The following LAMA3 variants were observed in gnomAD, a reference collection of about 807,000 sequenced individuals.
LAMA3 encodes the protein laminin subunit alpha 3, also known as laminin subunit alpha-3.
Under a neutral mutation model 402.0 loss-of-function variants are expected in LAMA3, and 281 were observed. The observed-to-expected ratio is 0.70, with a 90% CI of 0.63 to 0.77. The LOEUF is 0.77. Ranked by LOEUF, LAMA3 falls within the 30% of genes least tolerant of loss-of-function variation. The probability of loss-of-function intolerance (pLI) is 0.00; values close to 1 mark genes in which losing one functional copy is unlikely to be tolerated. For missense variants in LAMA3, 3,840 were observed against 4,215.5 expected, an observed-to-expected ratio of 0.91 and a Z score of 2.47; for synonymous variants, 1,431 against 1,558.4, an observed-to-expected ratio of 0.92 and a Z score of 1.93.
chr18:23,905,452 G>T, intron 51 of LAMA3, 70 bp from the exon 52 acceptor site: 1 of 880,406 alleles, frequency 1.1e-6, no homozygotes, highest in South Asian at 1.3e-5. Flanking sequence ...TTCAGACTAG[G>T]ATAGAAATCT....
chr18:23,805,565 G>T (rs2062947149), intron 12 of LAMA3, among the ~76,000 whole-genome samples: 1 of 152,100 alleles, frequency 6.6e-6, no homozygotes, highest in East Asian at 1.9e-4. Flanking sequence ...CCAGAACTGG[G>T]GAAATAACTA....
At chr18:23,830,254 T>C (rs2144493259) in intron 23 of LAMA3, among the ~76,000 whole-genome samples, 1 of 152,384 alleles carries the variant, frequency 6.6e-6, no homozygotes. Context: ...CTGTGCCATC[T>C]GAACCAGAAG....
chr18:23,836,142 C>T (rs2063577258), intron 24 of LAMA3, among the ~76,000 whole-genome samples: 1 of 146,270 alleles, frequency 6.8e-6, no homozygotes, highest in Non-Finnish European at 1.5e-5. Flanking sequence ...CACACACACA[C>T]TCACATAGGG....
intron 23 of LAMA3, 32 bp downstream of exon 23, chr18:23,827,499 A>T: frequency 6.2e-7 from 1 of 1,609,558 alleles, no homozygotes; most frequent in Non-Finnish European, 8.5e-7. Flanking sequence ...TATCAAAGTT[A>T]TTACTACCTC....
At chr18:23,854,628 G>C (rs556924857) in intron 32 of LAMA3, among the ~76,000 whole-genome samples, 1 of 149,944 alleles carries the variant, frequency 6.7e-6, no homozygotes, top group Non-Finnish European at 1.5e-5. Flanking sequence ...GTGACAGAGC[G>C]AGACTCTGTC....
At chr18:23,904,474 G>T in intron 50 of LAMA3, 79 bp from the exon 51 acceptor site, 2 of 1,371,912 alleles carry the variant, frequency 1.5e-6, no homozygotes, top group Non-Finnish European at 2.0e-6. Flanking sequence ...ATAAAAAGAA[G>T]AAATGGAAAG....
chr18:23,693,201 G>A (rs1268182793), intron 1 of LAMA3, among the ~76,000 whole-genome samples: 1 of 152,008 alleles, frequency 6.6e-6, no homozygotes, highest in African/African-American at 2.4e-5. Context: ...GAAATTAGCC[G>A]GGCGTGGTGG....
At position 23,842,738 on chromosome 18, in the gene LAMA3, GTCCTTGGTTT is replaced by G. The variant is rs1262679792; in HGVS notation, c.3593_3602del (p.Ser1198TrpfsTer5). ...CAACTGTGAAGGTTCCAGAAGGAAA[GTCCTTGGTTT>G]TGGTGCGTTCCACTCGTTCCTCAAC... On this transcript the variant is annotated frameshift_variant and splice_region_variant, in exon 29 of 75. Transcript: ENST00000313654. LOFTEE classifies it high-confidence loss of function. 6.2e-7 allele frequency: 1 copy of G among 1,614,238 alleles called. No homozygotes were observed. The highest frequency in any genetic ancestry group is 8.5e-7 in the Non-Finnish European group (1 of 1,180,050).
intron 41 of LAMA3, among the ~76,000 whole-genome samples, chr18:23,887,850 G>A (rs1214943649): frequency 1.3e-5 from 2 of 152,156 alleles, no homozygotes; most frequent in African/African-American, 4.8e-5. Flanking sequence ...TTTATTTGTT[G>A]TACCAATGTC....
At chr18:23,738,198 G>A (rs1458394913) in intron 2 of LAMA3, among the ~76,000 whole-genome samples, 1 of 152,082 alleles carries the variant, frequency 6.6e-6, no homozygotes, top group Non-Finnish European at 1.5e-5. Flanking sequence ...GGGGAGAAGA[G>A]AGGTGGGGTA....
intron 1 of LAMA3, among the ~76,000 whole-genome samples, chr18:23,696,077 C>T (rs370383641): frequency 1.3e-5 from 2 of 152,052 alleles, no homozygotes; most frequent in African/African-American, 2.4e-5. Context: ...TTCCCTATGT[C>T]GTGGGATTGG....
At position 23,838,918 on chromosome 18, in the gene LAMA3, G is replaced by T. The variant is rs762653160; in HGVS notation, c.3191+40G>T. 1.3e-5 allele frequency: 15 copies of T among 1,179,604 alleles called. No individual in the cohort carries two copies. In the African/African-American group the frequency reaches 1.4e-4, roughly 11 times the overall value. 73.1% of individuals were successfully genotyped at this position (1,179,604 alleles called of 1,614,324 possible). On this transcript the variant is annotated intron_variant, in intron 26 of 74. Coordinates refer to ENST00000313654, the MANE Select transcript of LAMA3 (RefSeq NM_198129.4). ...TCCTGTCTCCCCGTTCATGTTCTGA[G>T]TGATACTGGGATGAGTGTAAGGCTG... is the stretch of plus-strand genomic sequence containing the variant.
intron 19 of LAMA3, among the ~76,000 whole-genome samples, chr18:23,820,715 G>A (rs1189694383): frequency 1.3e-5 from 2 of 152,148 alleles, no homozygotes; most frequent in Admixed American, 6.5e-5. Flanking sequence ...GTTTCTTCAA[G>A]CTGTTTCTCA....
intron 6 of LAMA3, 120 bp from the exon 7 acceptor site, chr18:23,758,276 C>T (rs2061891748): frequency 8.1e-6 from 6 of 737,194 alleles, no homozygotes; most frequent in Non-Finnish European, 1.2e-5. Context: ...TCTCCTAATT[C>T]CTCAATGAAT....
intron 20 of LAMA3, among the ~76,000 whole-genome samples, 158 bp from the exon 21 acceptor site, chr18:23,824,265 G>T (rs900143930): frequency 3.3e-5 from 5 of 152,120 alleles, no homozygotes; most frequent in Non-Finnish European, 5.9e-5. Flanking sequence ...ATATGTATTT[G>T]CATAGTACAA....
intron 2 of LAMA3, among the ~76,000 whole-genome samples, chr18:23,725,410 C>G (rs1568117218): frequency 6.6e-6 from 1 of 152,214 alleles, no homozygotes; most frequent in Non-Finnish European, 1.5e-5. Context: ...CGCGCCCGGC[C>G]TAACCCACCA....
chr18:23,894,829 C>T, intron 43 of LAMA3, 78 bp from the exon 44 acceptor site: 1 of 1,577,404 alleles, frequency 6.3e-7, no homozygotes, highest in Non-Finnish European at 8.7e-7. Flanking sequence ...GCCAACTGGG[C>T]TGCATAGCAC....
intron 1 of LAMA3, among the ~76,000 whole-genome samples, chr18:23,712,373 CCGTCTCA>C (rs2061008077): frequency 1.6e-5 from 2 of 123,704 alleles, no homozygotes; most frequent in Non-Finnish European, 3.7e-5. Flanking sequence ...GAGTAAAACT[CCGTCTCA>C]AAAAAAAAAA....
At position 23,954,935 on chromosome 18, in the gene LAMA3, C is replaced by A; in HGVS notation, c.*287C>A. On this transcript the variant is annotated 3_prime_UTR_variant, in exon 75 of 75. Transcript: ENST00000313654. The stretch of plus-strand genomic sequence containing the variant: ...TAATTTCCACTAAAAAATTAAATGT[C>A]TTTTAAGAAACATTCTTTTCCACTT... 2.6e-6 allele frequency: 1 copy of A among 384,636 alleles called. No individual in the cohort carries two copies. Among genetic ancestry groups the A allele is most frequent in the Middle Eastern group, 7.8e-4 (1 of 1,284 alleles). The allele number at this position is 384,636 out of a possible 1,614,324, so 23.8% of individuals were successfully genotyped here.
Sources: gnomAD v4.1 joint callset for allele counts (sites outside exome capture counted in the v4.1 genomes callset) on GRCh38, gnomAD v4.1.1 for gene constraint, MANE v1.5 for transcripts, NCBI Gene and HGNC (gene_info 2026-07-23, HGNC 2026-07-21) for gene names.